PARD3: variants seen among roughly 807,000 people sequenced by gnomAD.
PARD3 encodes the protein par-3 family cell polarity regulator.
A neutral mutation model predicts 155.4 loss-of-function variants in PARD3; 75 were observed. That is an observed-to-expected ratio of 0.48 (90% confidence interval 0.40 to 0.58). The LOEUF is 0.58. PARD3 is among the 20% of genes least tolerant of loss of function. PARD3 has a pLI of 0.00. For synonymous variants in PARD3, 576 were observed against 610.5 expected, an observed-to-expected ratio of 0.94 and a Z score of 0.83; for missense variants, 1,642 against 1,721.7, an observed-to-expected ratio of 0.95 and a Z score of 0.82.
At chr10:34,632,927 G>A (rs1346230303) in intron 2 of PARD3, among the ~76,000 whole-genome samples, 5 of 152,190 alleles carry the variant, frequency 3.3e-5, no homozygotes, top group African/African-American at 7.2e-5. Context: ...GGGAGGAACC[G>A]AGGAGGCTGC....
intron 2 of PARD3, among the ~76,000 whole-genome samples, chr10:34,630,810 T>C (rs1220062135): frequency 1.7e-5 from 2 of 116,598 alleles, no homozygotes; most frequent in Non-Finnish European, 3.0e-5. Context: ...CAGATTTATT[T>C]ATTTATTTAT....
chr10:34,654,239 T>C (rs749050035), intron 2 of PARD3, among the ~76,000 whole-genome samples: 3 of 151,884 alleles, frequency 2.0e-5, no homozygotes, highest in Non-Finnish European at 4.4e-5. Flanking sequence ...GGGAAAGAAT[T>C]TGCAAATACA....
At chr10:34,304,887 A>G (rs1390807063) in intron 20 of PARD3, among the ~76,000 whole-genome samples, 1 of 152,246 alleles carries the variant, frequency 6.6e-6, no homozygotes, top group African/African-American at 2.4e-5. Context: ...TTTGCCTTAA[A>G]AAGTCAGAAT....
At chr10:34,476,797 C>A (rs963472318) in intron 3 of PARD3, among the ~76,000 whole-genome samples, 17 of 152,206 alleles carry the variant, frequency 1.1e-4, no homozygotes, top group African/African-American at 4.1e-4. Flanking sequence ...TAACTCCCAA[C>A]AGGTCAAAGT....
chr10:34,368,446 G>A (rs966072224), intron 12 of PARD3, among the ~76,000 whole-genome samples: 2 of 152,136 alleles, frequency 1.3e-5, no homozygotes, highest in Non-Finnish European at 2.9e-5. Flanking sequence ...GCCGAGGCAG[G>A]TGGATCATGA....
chr10:34,282,374 T>C (rs923017384), intron 21 of PARD3, among the ~76,000 whole-genome samples: 1 of 152,128 alleles, frequency 6.6e-6, no homozygotes, highest in South Asian at 2.1e-4. Flanking sequence ...ATTGCATCAT[T>C]AGAGGTACAG....
At position 34,636,383 on chromosome 10, in the gene PARD3, G is replaced by A. The variant is rs1181227374; in HGVS notation, c.222+59935C>T. On this transcript the variant is annotated intron_variant, in intron 2 of 24. Coordinates refer to ENST00000374788, the MANE Select transcript of PARD3 (RefSeq NM_001184785.2). Reference sequence around the variant, plus strand: ...GCTCGGGGCTAACACCCCTTTGCTCGCTGGCCCTTCTGAGGCCAGACACTC... The same window carrying A: ...GCTCGGGGCTAACACCCCTTTGCTCACTGGCCCTTCTGAGGCCAGACACTC... 5.9e-5 allele frequency among the ~76,000 whole-genome samples: 9 copies of A among 152,228 alleles called. No homozygotes were observed. The South Asian group carries it at 8.3e-4, about 14-fold the overall frequency.
rs754913837 is a variant in PARD3, at chr10:34,341,618, T to C, written c.2408+9A>G. The C allele has an allele frequency of 4.4e-6, 7 of 1,606,294 alleles. No homozygotes were observed. In the East Asian group the frequency reaches 1.3e-4, roughly 31 times the overall value. On this transcript the variant is annotated intron_variant, in intron 16 of 24. Coordinates refer to ENST00000374788, the MANE Select transcript of PARD3 (RefSeq NM_001184785.2). ...ATTCATGTTTTCCAACCCTGGACGA[T>C]GAGCTTACCAGTCGGCTGAATCACT...
intron 3 of PARD3, among the ~76,000 whole-genome samples, chr10:34,499,796 C>T (rs529501609): frequency 1.3e-5 from 2 of 152,322 alleles, no homozygotes; most frequent in Admixed American, 6.5e-5. Context: ...CCAGCCATCT[C>T]TCAGTGTCTG....
rs555493667 is a variant in PARD3 at position 34,482,896 on chromosome 10, C to A, written c.404-12633G>T. 6.9e-4 allele frequency among the ~76,000 whole-genome samples: 105 copies of A among 152,058 alleles called. 1 individual carries two copies. The South Asian group carries it at 7.9e-3, about 11-fold the overall frequency. ...AGGTGCAGTGGCTCACGCCTGTAAT[C>A]CCAGCACTTTGGGAGGCCAAGGCGG... On this transcript the variant is annotated intron_variant, in intron 3 of 24. Coordinates refer to ENST00000374788, the MANE Select transcript of PARD3 (RefSeq NM_001184785.2).
chr10:34,176,660 G>C (rs1950045925), intron 22 of PARD3, among the ~76,000 whole-genome samples: 1 of 152,170 alleles, frequency 6.6e-6, no homozygotes, highest in Non-Finnish European at 1.5e-5. Context: ...AGCACCATTA[G>C]AAAGAGGCCT....
In PARD3 at chr10:34,317,266, T is replaced by G. The variant is rs930551054; in HGVS notation, c.2906A>C (p.His969Pro). Residue 969 changes from histidine to proline, a missense_variant, in exon 20 of 25, where the codon CAC becomes CCC. Coordinates refer to ENST00000374788, the MANE Select transcript of PARD3 (RefSeq NM_001184785.2). ...TCCATTCATTTGTCTCTCCAGAGAG[T>G]GGGAAGGCTGATCACTGGCTGTGGA... ...SVSTASDQPS[H>P]SLERQMNGNQ... The G allele has an allele frequency of 2.5e-6, 4 of 1,613,512 alleles. No homozygotes were observed. In the African/African-American group the frequency reaches 5.3e-5, roughly 22 times the overall value.
At chr10:34,761,128 G>C (rs1008974674) in intron 1 of PARD3, among the ~76,000 whole-genome samples, 7 of 152,052 alleles carry the variant, frequency 4.6e-5, no homozygotes, top group Non-Finnish European at 7.4e-5. Flanking sequence ...AAAACAAAAG[G>C]GGTCAGGCAC....
intron 6 of PARD3, among the ~76,000 whole-genome samples, chr10:34,400,757 A>C (rs1227891736): frequency 6.6e-6 from 1 of 152,212 alleles, no homozygotes; most frequent in Non-Finnish European, 1.5e-5. Context: ...AGATTTAATC[A>C]CATGCACTAA....
intron 22 of PARD3, among the ~76,000 whole-genome samples, chr10:34,133,253 C>T (rs188045997): frequency 5.9e-5 from 9 of 152,182 alleles, no homozygotes; most frequent in Non-Finnish European, 1.2e-4. Flanking sequence ...CAGGCACCCA[C>T]ACCCAGACAC....
intron 1 of PARD3, among the ~76,000 whole-genome samples, chr10:34,756,480 A>T (rs1836761333): frequency 1.5e-5 from 2 of 132,414 alleles, no homozygotes; most frequent in African/African-American, 6.6e-5. Flanking sequence ...TTTCTTATAA[A>T]AAAAAAAAAA....
intron 22 of PARD3, among the ~76,000 whole-genome samples, chr10:34,233,789 C>T (rs1953067348): frequency 6.6e-6 from 1 of 152,030 alleles, no homozygotes; most frequent in Non-Finnish European, 1.5e-5. Flanking sequence ...TGATTCTGTC[C>T]CAGGAGCAGC....
Position 34,130,649 on chromosome 10 carries a change from C to T in PARD3, c.3540+814G>A, listed in dbSNP as rs527358386. Among the ~76,000 whole-genome samples, 14 of 152,294 alleles carry T rather than the reference C, an allele frequency of 9.2e-5. No homozygotes were observed. In the Middle Eastern group the frequency reaches 0.02, roughly 222 times the overall value. On this transcript the variant is annotated intron_variant, in intron 23 of 24. Transcript: ENST00000374788. ...TAGGGTGAGACACAAGATCAGAACA[C>T]AGTTCTGGCACTGAGAAAGCCATCT...
chr10:34,273,439 C>G (rs1564538198), intron 21 of PARD3, among the ~76,000 whole-genome samples: 1 of 152,082 alleles, frequency 6.6e-6, no homozygotes, highest in Non-Finnish European at 1.5e-5. Context: ...CTCAAAATGA[C>G]AAAAGTATGG....
Sources: allele counts gnomAD v4.1 joint callset (sites outside exome capture counted in the v4.1 genomes callset), GRCh38; gene constraint gnomAD v4.1.1; transcripts MANE v1.5; gene names NCBI Gene and HGNC (gene_info 2026-07-23, HGNC 2026-07-21).